Variants in CEMIP observed in about 807,000 individuals in gnomAD.
CEMIP encodes the protein cell migration-inducing and hyaluronan-binding protein.
A neutral mutation model predicts 156.9 loss-of-function variants in CEMIP; 105 were observed. The observed-to-expected ratio is 0.67, with a 90% CI of 0.57 to 0.79. The LOEUF is 0.79. Among genes scored for constraint, CEMIP ranks in the 30% least tolerant of loss-of-function variants. CEMIP has a pLI of 0.00. For missense variants in CEMIP, 1,457 were observed against 1,769.4 expected (o/e 0.82, Z 3.17); for synonymous variants, 676 against 668.4 (o/e 1.01, Z -0.17).
In CEMIP at chr15:80,821,673, G is replaced by A. The variant is rs1464509168; in HGVS notation, c.-176+42059G>A. Among the ~76,000 whole-genome samples, 4 of 152,128 alleles carry A rather than the reference G, an allele frequency of 2.6e-5. No individual in the cohort carries two copies. The East Asian group carries it at 7.7e-4, about 29-fold the overall frequency. The stretch of plus-strand genomic sequence containing the variant: ...GTGAGGGAGAGGGAATGAGGTCTTT[G>A]GGGGAGAAAAGACCTTTGTGTATCC... On this transcript the variant is annotated intron_variant, in intron 1 of 29. Transcript: ENST00000394685.
At chr15:80,943,247 T>G in intron 28 of CEMIP, 145 bp downstream of exon 28, 1 of 927,010 alleles carries the variant, frequency 1.1e-6, no homozygotes, top group Non-Finnish European at 1.8e-6. Context: ...AAATCATGGG[T>G]GTTGGACAAG....
At chr15:80,860,730 C>A (rs1331202215) in intron 1 of CEMIP, among the ~76,000 whole-genome samples, 3 of 152,152 alleles carry the variant, frequency 2.0e-5, no homozygotes, top group African/African-American at 7.2e-5. Context: ...CTTGCCTGCA[C>A]CCCAGTTTTG....
At position 80,879,772 on chromosome 15, in the gene CEMIP, C is replaced by CTGATTGACAACGGAGGAGAG; in HGVS notation, c.299_318dup (p.Leu107Ter). The CTGATTGACAACGGAGGAGAG allele has an allele frequency of 6.2e-7, 1 of 1,614,184 alleles. No individual in the cohort carries two copies. Among genetic ancestry groups the CTGATTGACAACGGAGGAGAG allele is most frequent in the Non-Finnish European group, 8.5e-7 (1 of 1,180,020 alleles). On this transcript the variant is annotated frameshift_variant, in exon 5 of 30. Coordinates refer to ENST00000394685, the MANE Select transcript of CEMIP (RefSeq NM_001293298.2). LOFTEE classifies it high-confidence loss of function. ...GATTGTTTTGCGAACCCGGCACATC[C>CTGATTGACAACGGAGGAGAG]TGATTGACAACGGAGGAGAGCTGCA...
chr15:80,922,615 G>A (rs139929214), intron 17 of CEMIP, among the ~76,000 whole-genome samples: 63 of 152,352 alleles, frequency 4.1e-4, no homozygotes, highest in African/African-American at 1.5e-3. Flanking sequence ...CTTGGGAAAT[G>A]AATGGGTTGC....
chr15:80,836,073 ATTT>A (rs55996446), intron 1 of CEMIP, among the ~76,000 whole-genome samples: 20,252 of 134,706 alleles, frequency 0.15, 1,451 homozygotes, highest in African/African-American at 0.19. Context: ...GACGGAAGTG[ATTT>A]TTTTTTTTTT....
At chr15:80,888,132 GCGGGT>G (rs1032794746) in intron 8 of CEMIP, among the ~76,000 whole-genome samples, 3 of 152,246 alleles carry the variant, frequency 2.0e-5, no homozygotes, top group Admixed American at 2.0e-4. Context: ...GGAGGCCGAG[GCGGGT>G]GGATCACTTG....
intron 20 of CEMIP, 25 bp downstream of exon 20, chr15:80,928,962 G>A: frequency 1.2e-6 from 2 of 1,614,228 alleles, no homozygotes; most frequent in Non-Finnish European, 1.7e-6. Context: ...CATTGTACTT[G>A]GTCCTCTGTG....
At chr15:80,929,287 C>T in intron 21 of CEMIP, 113 bp downstream of exon 21, 1 of 1,302,910 alleles carries the variant, frequency 7.7e-7, no homozygotes, top group African/African-American at 1.4e-5. Flanking sequence ...ATTCTTCTAC[C>T]AGCCAGAGGA....
At chr15:80,945,833 G>C (rs1901528583) in intron 28 of CEMIP, among the ~76,000 whole-genome samples, 1 of 152,210 alleles carries the variant, frequency 6.6e-6, no homozygotes, top group Non-Finnish European at 1.5e-5. Flanking sequence ...CCAGTGTGCT[G>C]AGTCTGCCAC....
intron 1 of CEMIP, among the ~76,000 whole-genome samples, chr15:80,802,697 C>T (rs889486831): frequency 6.6e-6 from 1 of 152,316 alleles, no homozygotes; most frequent in East Asian, 1.9e-4. Flanking sequence ...TGGAAGACTT[C>T]TGACATGTTC....
rs755043903 is a variant in CEMIP at position 80,942,080 on chromosome 15, CCCCTTTGCCGTCCAGTCGGGCCTAGAG to C, written c.3612+50_3612+76del. On this transcript the variant is annotated intron_variant, in intron 26 of 29. Coordinates refer to ENST00000394685, the MANE Select transcript of CEMIP (RefSeq NM_001293298.2). Reference sequence around the variant, plus strand: ...TGAGTGGCTGAGAGCAAAGCCTAGACCCCTTTGCCGTCCAGTCGGGCCTAGAGCCCTTTGCCGTCCAGTCGGGCCCAG... The same window carrying C: ...TGAGTGGCTGAGAGCAAAGCCTAGACCCCTTTGCCGTCCAGTCGGGCCCAG... 1,617 of 1,605,564 alleles carry C rather than the reference CCCCTTTGCCGTCCAGTCGGGCCTAGAG, an allele frequency of 1.0e-3. 17 individuals carry two copies. The East Asian group carries it at 0.02, about 20-fold the overall frequency.
chr15:80,933,499 C>G, intron 23 of CEMIP, 39 bp downstream of exon 23: 1 of 1,512,324 alleles, frequency 6.6e-7, no homozygotes, highest in Non-Finnish European at 9.2e-7. Context: ...CTCACTTATT[C>G]ACTCATGCAA....
chr15:80,793,095 A>C (rs1596091633), intron 1 of CEMIP, among the ~76,000 whole-genome samples: 1 of 152,240 alleles, frequency 6.6e-6, no homozygotes, highest in East Asian at 1.9e-4. Context: ...GCCCTGGCTC[A>C]GAATATCACA....
intron 1 of CEMIP, among the ~76,000 whole-genome samples, chr15:80,868,555 G>A (rs958926396): frequency 1.1e-4 from 16 of 152,190 alleles, no homozygotes; most frequent in African/African-American, 3.6e-4. Context: ...AGTGCTGGCT[G>A]TATAATCTCT....
intron 1 of CEMIP, among the ~76,000 whole-genome samples, chr15:80,781,836 C>T (rs1261750829): frequency 2.0e-5 from 3 of 152,098 alleles, no homozygotes; most frequent in Non-Finnish European, 2.9e-5. Context: ...ATAGAGAAAT[C>T]GTTTTAAATG....
intron 1 of CEMIP, among the ~76,000 whole-genome samples, chr15:80,857,102 G>A (rs370868480): frequency 1.6e-4 from 24 of 152,350 alleles, no homozygotes; most frequent in Admixed American, 3.3e-4. Flanking sequence ...AAAATCAAGC[G>A]TGCTCTTTCG....
At chr15:80,873,823 TGCCAAGGC>T in intron 2 of CEMIP, 33 bp from the exon 3 acceptor site, 1 of 1,448,336 alleles carries the variant, frequency 6.9e-7, no homozygotes, top group Non-Finnish European at 9.5e-7. Flanking sequence ...GATTCCAGCC[TGCCAAGGC>T]TGCATGTCTG....
chr15:80,881,849 G>C (rs1416971153), intron 6 of CEMIP, among the ~76,000 whole-genome samples: 2 of 152,206 alleles, frequency 1.3e-5, no homozygotes, highest in Admixed American at 1.3e-4. Context: ...CTGTGGTCTA[G>C]GCAAGACATG....
At chr15:80,939,506 G>C (rs1901260549) in intron 25 of CEMIP, among the ~76,000 whole-genome samples, 1 of 152,204 alleles carries the variant, frequency 6.6e-6, no homozygotes, top group Non-Finnish European at 1.5e-5. Flanking sequence ...CATCCATGCA[G>C]ATTTTCTTCT....
Sources: allele counts gnomAD v4.1 joint callset (sites outside exome capture counted in the v4.1 genomes callset), GRCh38; gene constraint gnomAD v4.1.1; transcripts MANE v1.5; gene names NCBI Gene and HGNC (gene_info 2026-07-23, HGNC 2026-07-21).